CTNNA2: variants seen among roughly 807,000 people sequenced by gnomAD.
CTNNA2 encodes the protein catenin alpha-2.
Under a neutral mutation model 101.0 loss-of-function variants are expected in CTNNA2, and 42 were observed. The observed-to-expected ratio is 0.42, with a 90% CI of 0.32 to 0.54. The LOEUF (loss-of-function observed/expected upper bound fraction) is 0.54, where lower values mean the gene tolerates loss of function less well. Among genes scored for constraint, CTNNA2 ranks in the 20% least tolerant of loss-of-function variants. The pLI, the probability that CTNNA2 is intolerant of heterozygous loss-of-function variation, is 0.14. For synonymous variants in CTNNA2, 450 were observed against 456.4 expected, an observed-to-expected ratio of 0.99 and a Z score of 0.18; for missense variants, 871 against 1,223.1, an observed-to-expected ratio of 0.71 and a Z score of 4.29.
At chr2:79,804,743 G>C (rs548719151) in intron 3 of CTNNA2, among the ~76,000 whole-genome samples, 60 of 152,200 alleles carry the variant, frequency 3.9e-4, no homozygotes, top group Non-Finnish European at 7.1e-4. Context: ...TTAGACCATG[G>C]ATTAGAGATT....
In CTNNA2 at chr2:80,302,467, C is replaced by T. The variant is rs374796505; in HGVS notation, c.1057-90744C>T. On this transcript the variant is annotated intron_variant, in intron 7 of 18. Coordinates refer to ENST00000402739, the MANE Select transcript of CTNNA2 (RefSeq NM_001282597.3). The surrounding 1 kb of genome is among the most constrained non-coding windows in gnomAD (Gnocchi z 6.4). The stretch of plus-strand genomic sequence containing the variant: ...GCTGCCTGAGGCTGGCTGGGAAACA[C>T]TTCCAGGACACGTAGAGCACCAGGA... The T allele has an allele frequency of 3.7e-6, 6 of 1,614,164 alleles. No individual in the cohort carries two copies. The highest frequency in any genetic ancestry group is 2.5e-6 in the Non-Finnish European group (3 of 1,180,048).
At chr2:79,741,580 G>A (rs137887064) in intron 2 of CTNNA2, among the ~76,000 whole-genome samples, 33 of 152,060 alleles carry the variant, frequency 2.2e-4, no homozygotes, top group African/African-American at 8.0e-4. Flanking sequence ...CATTCTACAT[G>A]GTATGTTATG....
rs192612322 is a variant in CTNNA2 at position 79,826,754 on chromosome 2, T to G, written c.299-31259T>G. Among the ~76,000 whole-genome samples the G allele has an allele frequency of 4.5e-3, 681 of 152,354 alleles. 6 individuals carry two copies. The highest frequency in any genetic ancestry group is 5.6e-3 in the Non-Finnish European group (382 of 68,034). ...AGGGCTCTGTGTGTAGGCTTCTTTC[T>G]GAGTTCACAAGTGTAATCACCTCCA... On this transcript the variant is annotated intron_variant, in intron 3 of 18. Transcript: ENST00000402739.
chr2:79,849,429 C>T (rs1447726505), intron 3 of CTNNA2, among the ~76,000 whole-genome samples: 1 of 151,828 alleles, frequency 6.6e-6, no homozygotes, highest in Non-Finnish European at 1.5e-5. Flanking sequence ...AAAGTGTCCA[C>T]AGGAGGTAGC....
intron 7 of CTNNA2, chr2:80,305,460 T>C (rs182951326): frequency 2.4e-4 from 198 of 837,314 alleles, no homozygotes; most frequent in Middle Eastern, 6.1e-4. Flanking sequence ...TGACTTGTGC[T>C]GTTCATGGTG....
rs549162536 is a variant in CTNNA2, at chr2:79,337,294, G to A, written c.-318+24498G>A. Reference sequence around the variant, plus strand: ...TATAACCCTACCCAAAACACACCGTGGGGGTTTAGAAAATACTTGGCATGT... The same window carrying A: ...TATAACCCTACCCAAAACACACCGTAGGGGTTTAGAAAATACTTGGCATGT... On this transcript the variant is annotated intron_variant, in intron 3 of 21. Coordinates refer to the CTNNA2 transcript ENST00000466387. 2.0e-5 allele frequency among the ~76,000 whole-genome samples: 3 copies of A among 152,264 alleles called. No individual in the cohort carries two copies. In the East Asian group the frequency reaches 5.8e-4, roughly 29 times the overall value.
intron 11 of CTNNA2, among the ~76,000 whole-genome samples, chr2:80,548,665 T>A (rs1692305794): frequency 6.6e-6 from 1 of 152,186 alleles, no homozygotes; most frequent in South Asian, 2.1e-4. Context: ...CAGGGCCTGC[T>A]GGAGCATGCC....
intron 2 of CTNNA2, among the ~76,000 whole-genome samples, chr2:79,726,383 C>T (rs1686839919): frequency 6.6e-6 from 1 of 152,184 alleles, no homozygotes; most frequent in Non-Finnish European, 1.5e-5. Flanking sequence ...TAGGAGCCCA[C>T]AGCAGGAGGT....
intron 2 of CTNNA2, among the ~76,000 whole-genome samples, chr2:79,657,146 TAAAC>T (rs1681670435): frequency 6.6e-6 from 1 of 151,762 alleles, no homozygotes. Flanking sequence ...AATGGCTAAA[TAAAC>T]TCAAAATTTG....
intron 6 of CTNNA2, among the ~76,000 whole-genome samples, chr2:79,896,735 G>C (rs555626979): frequency 1.3e-5 from 2 of 152,312 alleles, no homozygotes; most frequent in South Asian, 4.1e-4. Flanking sequence ...TAAGTGAAAA[G>C]AAGCTTAATA....
At chr2:79,260,415 C>T (rs536452885) in intron 2 of CTNNA2, among the ~76,000 whole-genome samples, 45 of 152,278 alleles carry the variant, frequency 3.0e-4, no homozygotes, top group African/African-American at 1.1e-3. Context: ...CTCCTTACCT[C>T]AGGAGCGTCT....
At chr2:80,606,878 C>A (rs1698073280) in intron 16 of CTNNA2, among the ~76,000 whole-genome samples, 1 of 151,716 alleles carries the variant, frequency 6.6e-6, no homozygotes, top group South Asian at 2.1e-4. Context: ...CCTTGTCAGC[C>A]CTCTGGGGAG....
At chr2:80,374,260 C>T (rs1675715690) in intron 7 of CTNNA2, among the ~76,000 whole-genome samples, 2 of 152,104 alleles carry the variant, frequency 1.3e-5, no homozygotes, top group South Asian at 4.2e-4. Context: ...TCTATTGTTT[C>T]CATCTTTCTG....
At chr2:79,329,551 A>G (rs926262746) in intron 3 of CTNNA2, among the ~76,000 whole-genome samples, 5 of 151,892 alleles carry the variant, frequency 3.3e-5, no homozygotes, top group African/African-American at 1.2e-4. Flanking sequence ...GCACACCTAC[A>G]CTGGTGTGCA....
intron 7 of CTNNA2, among the ~76,000 whole-genome samples, chr2:80,268,311 T>C (rs1673180463): frequency 6.6e-6 from 1 of 152,240 alleles, no homozygotes; most frequent in Non-Finnish European, 1.5e-5. Flanking sequence ...TGCTTCCTTT[T>C]GTAGTGTTTT....
At chr2:79,940,092 C>A (rs1688053106) in intron 7 of CTNNA2, among the ~76,000 whole-genome samples, 1 of 151,958 alleles carries the variant, frequency 6.6e-6, no homozygotes, top group Admixed American at 6.6e-5. Flanking sequence ...AAAACCAAAA[C>A]AAACAAAAAC....
chr2:80,209,805 A>G (rs932388703), intron 7 of CTNNA2, among the ~76,000 whole-genome samples: 9 of 152,212 alleles, frequency 5.9e-5, no homozygotes, highest in African/African-American at 2.2e-4. Context: ...AAGGCTATAC[A>G]TGATTAAGTT....
intron 9 of CTNNA2, among the ~76,000 whole-genome samples, chr2:80,481,192 A>T (rs557697470): frequency 6.6e-6 from 1 of 152,296 alleles, no homozygotes; most frequent in African/African-American, 2.4e-5. Context: ...GCAAGAGAGA[A>T]GTTTAGCTGT....
chr2:80,440,683 T>C (rs1264736750), intron 9 of CTNNA2, among the ~76,000 whole-genome samples: 1 of 152,172 alleles, frequency 6.6e-6, no homozygotes, highest in East Asian at 1.9e-4. Context: ...AGGTGTTCAG[T>C]TGAGCAGTGA....
Sources: gnomAD v4.1 joint callset for allele counts (sites outside exome capture counted in the v4.1 genomes callset) on GRCh38, gnomAD v4.1.1 for gene constraint, Gnocchi (gnomAD v3.1) non-coding constraint, MANE v1.5 for transcripts, NCBI Gene and HGNC (gene_info 2026-07-23, HGNC 2026-07-21) for gene names.